The following JPH1 variants were observed in gnomAD, a reference collection of about 807,000 sequenced individuals.
JPH1 encodes junctophilin-1.
A neutral mutation model predicts 53.6 loss-of-function variants in JPH1; 12 were observed. The observed-to-expected ratio is 0.22, with a 90% CI of 0.14 to 0.36. The LOEUF is 0.36. Ranked by LOEUF, JPH1 falls within the 10% of genes least tolerant of loss-of-function variation. The pLI is 1.00. For synonymous variants in JPH1, 375 were observed against 363.8 expected (o/e 1.03, Z -0.35); for missense variants, 808 against 905.5 (o/e 0.89, Z 1.38).
At chr8:74,260,411 A>G (rs1173965032) in intron 2 of JPH1, among the ~76,000 whole-genome samples, 2 of 151,762 alleles carry the variant, frequency 1.3e-5, no homozygotes, top group Non-Finnish European at 2.9e-5. Context: ...GAAGAAAAAA[A>G]CTCTGGTTTA....
In JPH1 at chr8:74,237,281, A is replaced by G. The variant is rs774070190; in HGVS notation, c.1928T>C (p.Val643Ala). 4 of 1,613,530 alleles carry G rather than the reference A, an allele frequency of 2.5e-6. No individual in the cohort carries two copies. The South Asian group carries it at 3.3e-5, about 13-fold the overall frequency. Residue 643 changes from valine (V) to alanine (A), a missense_variant, in exon 5 of 6, where the codon GTC (valine) becomes GCC (alanine). Val to Ala is a moderately conservative substitution (Grantham distance 64). Coordinates refer to ENST00000342232, the MANE Select transcript of JPH1 (RefSeq NM_020647.4). ...ANSGPNSIMI[V>A]LVMLLNIGLA... ...CCCGATATTCAACAGCATGACAAGG[A>G]CAATCATGATTGAATTAGGGCCCTG...
At chr8:74,276,469 C>A (rs1221387444) in intron 2 of JPH1, among the ~76,000 whole-genome samples, 2 of 152,186 alleles carry the variant, frequency 1.3e-5, no homozygotes, top group Non-Finnish European at 2.9e-5. Flanking sequence ...TGATTTGCAA[C>A]CTATAAAGTA....
intron 2 of JPH1, among the ~76,000 whole-genome samples, chr8:74,299,725 G>A (rs1486716031): frequency 2.0e-5 from 3 of 152,168 alleles, no homozygotes; most frequent in South Asian, 2.1e-4. Context: ...TATGGGGAGC[G>A]GGGTGCCTGT....
intron 3 of JPH1, among the ~76,000 whole-genome samples, chr8:74,251,062 A>C (rs1447606366): frequency 6.6e-6 from 1 of 152,180 alleles, no homozygotes; most frequent in East Asian, 1.9e-4. Flanking sequence ...GGCTAGCCTG[A>C]TACATCCATT....
chr8:74,312,955 A>T (rs1270295820), intron 2 of JPH1, among the ~76,000 whole-genome samples: 2 of 152,206 alleles, frequency 1.3e-5, no homozygotes, highest in Non-Finnish European at 2.9e-5. Context: ...AAATAATACT[A>T]CCCCCAAAAG....
intron 2 of JPH1, among the ~76,000 whole-genome samples, chr8:74,292,730 G>T (rs1807372379): frequency 6.6e-6 from 1 of 152,064 alleles, no homozygotes; most frequent in Admixed American, 6.5e-5. Context: ...TTTAAATTCT[G>T]GCTATTTCTT....
Position 74,236,105 on chromosome 8 carries a change from T to G in JPH1, c.*946A>C, listed in dbSNP as rs889652306. The G allele has an allele frequency of 1.3e-5, 2 of 152,220 alleles. No homozygotes were observed. The highest frequency in any genetic ancestry group is 2.9e-5 in the Non-Finnish European group (2 of 68,032). The allele number at this position is 152,220 out of a possible 1,614,324, so 9.4% of individuals were successfully genotyped here. On this transcript the variant is annotated 3_prime_UTR_variant, in exon 6 of 6. Coordinates refer to ENST00000342232, the MANE Select transcript of JPH1 (RefSeq NM_020647.4). Reference sequence around the variant, plus strand: ...TAGAATTCTGTTGTGTTTCAGCTTTTAAAATTTAGCACTTCCTAAGTGCAT... The same window carrying G: ...TAGAATTCTGTTGTGTTTCAGCTTTGAAAATTTAGCACTTCCTAAGTGCAT...
rs972052907 is a variant in JPH1 at position 74,237,359 on chromosome 8, T to C, written c.1906-56A>G. On this transcript the variant is annotated intron_variant, in intron 4 of 5. Transcript: ENST00000342232. ...ACTTCTCCATGTTAATATCAAGATA[T>C]TACCAAAGCCAATTACTGAAAAAAT... 5 of 1,342,268 alleles carry C rather than the reference T, an allele frequency of 3.7e-6. No homozygotes were observed. The African/African-American group carries it at 5.8e-5, about 16-fold the overall frequency. 83.1% of individuals were successfully genotyped at this position (1,342,268 alleles called of 1,614,324 possible).
chr8:74,275,151 A>T (rs1164115274), intron 2 of JPH1, among the ~76,000 whole-genome samples: 1 of 152,236 alleles, frequency 6.6e-6, no homozygotes, highest in Non-Finnish European at 1.5e-5. Flanking sequence ...GTTAAAAAAA[A>T]GTCTTCATCC....
chr8:74,261,856 T>C (rs1355097555), intron 2 of JPH1, among the ~76,000 whole-genome samples: 1 of 152,162 alleles, frequency 6.6e-6, no homozygotes, highest in Non-Finnish European at 1.5e-5. Flanking sequence ...CAAGTACAAG[T>C]AACTTATTCG....
At chr8:74,262,891 T>C (rs1806432718) in intron 2 of JPH1, among the ~76,000 whole-genome samples, 1 of 152,210 alleles carries the variant, frequency 6.6e-6, no homozygotes, top group African/African-American at 2.4e-5. Context: ...TTCTGAATGC[T>C]AGGCATCACC....
chr8:74,312,171 A>G (rs1429067861), intron 2 of JPH1, among the ~76,000 whole-genome samples: 1 of 152,230 alleles, frequency 6.6e-6, no homozygotes, highest in East Asian at 1.9e-4. Flanking sequence ...TTTATTTTTA[A>G]TTTGTTGATT....
At chr8:74,252,453 A>G (rs1249450694) in intron 3 of JPH1, among the ~76,000 whole-genome samples, 3 of 152,128 alleles carry the variant, frequency 2.0e-5, no homozygotes, top group African/African-American at 4.8e-5. Flanking sequence ...CAGAATCTAG[A>G]AAGAACTCAA....
At chr8:74,283,131 G>T (rs1807059778) in intron 2 of JPH1, among the ~76,000 whole-genome samples, 1 of 152,126 alleles carries the variant, frequency 6.6e-6, no homozygotes, top group African/African-American at 2.4e-5. Context: ...TTACCATGCA[G>T]CAGTCAGAAT....
At chr8:74,290,883 A>G (rs1414784690) in intron 2 of JPH1, among the ~76,000 whole-genome samples, 2 of 152,142 alleles carry the variant, frequency 1.3e-5, no homozygotes, top group Admixed American at 6.5e-5. Context: ...AATGGGGAAA[A>G]AATTCCCTAT....
rs924036962 is a variant in JPH1 at position 74,235,829 on chromosome 8, A to C, written c.*1222T>G. The C allele has an allele frequency of 2.3e-4, 35 of 152,476 alleles. No individual in the cohort carries two copies. The highest frequency in any genetic ancestry group is 8.0e-4 in the African/African-American group (33 of 41,480). 9.4% of individuals were successfully genotyped at this position (152,476 alleles called of 1,614,324 possible). On this transcript the variant is annotated 3_prime_UTR_variant, in exon 6 of 6. Transcript: ENST00000342232. ...ACAAAAGGACTTTGAAAAACAGGAA[A>C]GGCAGAAAACTGAGAGGCAGTGATT...
intron 2 of JPH1, among the ~76,000 whole-genome samples, chr8:74,271,106 C>T (rs1203040677): frequency 1.3e-5 from 2 of 151,986 alleles, no homozygotes; most frequent in African/African-American, 4.8e-5. Context: ...TTGCACATCC[C>T]CCAAACAAGG....
chr8:74,296,971 G>T (rs1043799544), intron 2 of JPH1, among the ~76,000 whole-genome samples: 6 of 152,184 alleles, frequency 3.9e-5, no homozygotes, highest in Non-Finnish European at 8.8e-5. Context: ...TTTTGCAGGA[G>T]AAATTGATAC....
Position 74,245,148 on chromosome 8 carries a change from T to G in JPH1, c.1286A>C (p.Gln429Pro), listed in dbSNP as rs145346566. Residue 429 changes from glutamine (Q) to proline (P), a missense_variant, in exon 4 of 6, where the codon CAG becomes CCG. Gln to Pro is a moderately conservative substitution (Grantham distance 76, BLOSUM62 -1). Coordinates refer to ENST00000342232, the MANE Select transcript of JPH1 (RefSeq NM_020647.4). ...ATTTTCTTTAGCATCTACACCTTCC[T>G]GAAATCTCTGTTTGACGTAATCAGG... ...PGPDYVKQRF[Q>P]EGVDAKENPE... is the part of the protein sequence containing the mutation. 5 of 1,594,588 alleles carry G rather than the reference T, an allele frequency of 3.1e-6. No homozygotes were observed. The highest frequency in any genetic ancestry group is 4.3e-6 in the Non-Finnish European group (5 of 1,175,282).
Sources: allele counts gnomAD v4.1 joint callset (sites outside exome capture counted in the v4.1 genomes callset), GRCh38; gene constraint gnomAD v4.1.1; transcripts MANE v1.5; gene names NCBI Gene and HGNC (gene_info 2026-07-23, HGNC 2026-07-21).